The following ATP11A variants were observed in gnomAD, a reference collection of about 807,000 sequenced individuals.
ATP11A encodes the protein ATPase phospholipid transporting 11A.
In ATP11A, 81 loss-of-function variants were observed where a neutral mutation model predicts 154.4. The observed-to-expected ratio is 0.52, with a 90% CI of 0.44 to 0.63. The LOEUF is 0.63. Among genes scored for constraint, ATP11A ranks in the 30% least tolerant of loss-of-function variants. ATP11A has a pLI of 0.00. For missense variants in ATP11A, 1,316 were observed against 1,474.3 expected (o/e 0.89, Z 1.76); for synonymous variants, 623 against 585.9 (o/e 1.06, Z -0.91).
chr13:112,844,275 C>T lies in ATP11A; in HGVS notation c.1809+1896C>T, dbSNP rs2079512047. On this transcript the variant is annotated intron_variant, in intron 17 of 29. Transcript: ENST00000375645. ...CTGCTGCTGCCCAGGAGAGTAGGCGCATGGATTATGTGAATTGTGATGATT... is the reference window on the plus strand; with the variant it reads ...CTGCTGCTGCCCAGGAGAGTAGGCGTATGGATTATGTGAATTGTGATGATT... Among the ~76,000 whole-genome samples the T allele has an allele frequency of 2.6e-5, 4 of 152,204 alleles. No homozygotes were observed. The South Asian group carries it at 8.3e-4, about 31-fold the overall frequency.
At chr13:112,860,568 A>T in intron 24 of ATP11A, 154 bp downstream of exon 24, 1 of 806,110 alleles carries the variant, frequency 1.2e-6, no homozygotes, top group Non-Finnish European at 1.9e-6. Context: ...GCTTGTTTAA[A>T]CTGGAAGCAA....
At chr13:112,748,547 G>A (rs2139796755) in intron 1 of ATP11A, among the ~76,000 whole-genome samples, 1 of 152,126 alleles carries the variant, frequency 6.6e-6, no homozygotes, top group East Asian at 1.9e-4. Flanking sequence ...TGTATTCTTT[G>A]TAGAGACAGG....
chr13:112,881,620 C>T, intron 29 of ATP11A: 1 of 1,188,244 alleles, frequency 8.4e-7, no homozygotes, highest in African/African-American at 1.6e-5. Context: ...AGACAGAGAC[C>T]CCTCGCCTCC....
chr13:112,783,503 C>T lies in ATP11A; in HGVS notation c.40-1632C>T, dbSNP rs142518254. 4.0e-3 allele frequency among the ~76,000 whole-genome samples: 611 copies of T among 152,356 alleles called. 7 individuals carry two copies. The highest frequency in any genetic ancestry group is 0.014 in the African/African-American group (577 of 41,578). On this transcript the variant is annotated intron_variant, in intron 1 of 29. Transcript: ENST00000375645. ...CAGCGGGAAACTGTCCCCGTGCCTG[C>T]GGCGAGGAGTGGCCCAGCAGCCAAG... is the stretch of plus-strand genomic sequence containing the variant.
chr13:112,867,353 G>A (rs1019219332), intron 25 of ATP11A, among the ~76,000 whole-genome samples: 3 of 152,310 alleles, frequency 2.0e-5, no homozygotes, highest in African/African-American at 4.8e-5. Flanking sequence ...TGCCCAGTGC[G>A]GCCTCTGGGT....
chr13:112,803,170 A>G (rs1193222571), intron 2 of ATP11A, among the ~76,000 whole-genome samples: 7 of 152,236 alleles, frequency 4.6e-5, no homozygotes, highest in African/African-American at 1.4e-4. Context: ...GAAATTCCTT[A>G]TATACTCTCT....
intron 1 of ATP11A, among the ~76,000 whole-genome samples, chr13:112,712,616 C>A (rs1020264964): frequency 1.3e-5 from 2 of 152,170 alleles, no homozygotes; most frequent in African/African-American, 4.8e-5. Flanking sequence ...CGTCCACAGC[C>A]CCTCGACTCC....
intron 26 of ATP11A, among the ~76,000 whole-genome samples, chr13:112,872,267 A>T (rs2140416314): frequency 6.6e-6 from 1 of 152,362 alleles, no homozygotes; most frequent in African/African-American, 2.4e-5. Flanking sequence ...ATACCAAAAC[A>T]TTCCTAAGGT....
intron 25 of ATP11A, among the ~76,000 whole-genome samples, chr13:112,869,055 G>A (rs922705899): frequency 3.3e-5 from 5 of 151,764 alleles, no homozygotes; most frequent in Admixed American, 6.6e-5. Flanking sequence ...TCCAACACAC[G>A]GGGATTATAA....
intron 1 of ATP11A, among the ~76,000 whole-genome samples, chr13:112,782,303 G>A (rs1458941911): frequency 6.6e-6 from 1 of 152,230 alleles, no homozygotes; most frequent in African/African-American, 2.4e-5. Flanking sequence ...CGGCTCCAGG[G>A]AAGCGTTCAG....
At chr13:112,792,457 A>G (rs1288339195) in intron 2 of ATP11A, among the ~76,000 whole-genome samples, 1 of 152,220 alleles carries the variant, frequency 6.6e-6, no homozygotes, top group African/African-American at 2.4e-5. Flanking sequence ...AAGAAATGCT[A>G]GTAGTTAAGA....
intron 1 of ATP11A, among the ~76,000 whole-genome samples, chr13:112,699,815 C>T (rs1275382349): frequency 2.0e-5 from 3 of 152,194 alleles, no homozygotes; most frequent in African/African-American, 7.2e-5. Context: ...CCATTCATGT[C>T]GCCTCCAGTG....
intron 21 of ATP11A, 85 bp from the exon 22 acceptor site, chr13:112,858,060 G>A: frequency 6.3e-7 from 1 of 1,579,176 alleles, no homozygotes; most frequent in South Asian, 1.1e-5. Context: ...TCATGATGAT[G>A]GTTTCATCCG....
chr13:112,738,426 A>G lies in ATP11A; in HGVS notation c.40-46709A>G, dbSNP rs1891207116. ...ACTTAAAGTGTTAGCGACTCAGAAA[A>G]GTATTTACCCCTCTGCTCGTAGAGT... On this transcript the variant is annotated intron_variant, in intron 1 of 29. Coordinates refer to ENST00000375645, the MANE Select transcript of ATP11A (RefSeq NM_015205.3). Among the ~76,000 whole-genome samples, 7 of 152,202 alleles carry G rather than the reference A, an allele frequency of 4.6e-5. No homozygotes were observed. The South Asian group carries it at 1.4e-3, about 32-fold the overall frequency.
At chr13:112,830,525 G>A (rs1256120960) in intron 12 of ATP11A, among the ~76,000 whole-genome samples, 3 of 152,098 alleles carry the variant, frequency 2.0e-5, no homozygotes, top group Non-Finnish European at 2.9e-5. Context: ...GCAGTGAGCC[G>A]AGATCATACC....
At chr13:112,787,006 C>T (rs427012) in intron 2 of ATP11A, among the ~76,000 whole-genome samples, 249 of 88,908 alleles carry the variant, frequency 2.8e-3, no homozygotes, top group African/African-American at 0.014. Flanking sequence ...CCTACTTAAT[C>T]CACACCGGGT....
intron 1 of ATP11A, among the ~76,000 whole-genome samples, chr13:112,694,247 G>C (rs1243251745): frequency 6.6e-6 from 1 of 152,210 alleles, no homozygotes; most frequent in Non-Finnish European, 1.5e-5. Flanking sequence ...GCTATTGTGA[G>C]GGTTGAATGA....
chr13:112,852,435 A>T (rs777824496), intron 18 of ATP11A, among the ~76,000 whole-genome samples: 2 of 151,828 alleles, frequency 1.3e-5, no homozygotes, highest in African/African-American at 4.8e-5. Context: ...TTTTGAAGTC[A>T]CTCTCCCCTG....
At chr13:112,729,866 G>A (rs1013193816) in intron 1 of ATP11A, among the ~76,000 whole-genome samples, 1 of 152,266 alleles carries the variant, frequency 6.6e-6, no homozygotes, top group African/African-American at 2.4e-5. Context: ...TCTGATTGAA[G>A]CAAACGGGGA....
Sources: gnomAD v4.1 joint callset for allele counts (sites outside exome capture counted in the v4.1 genomes callset) on GRCh38, gnomAD v4.1.1 for gene constraint, MANE v1.5 for transcripts, NCBI Gene and HGNC (gene_info 2026-07-23, HGNC 2026-07-21) for gene names.